Variants in PHKG2 observed in about 807,000 individuals in gnomAD.
PHKG2 encodes the protein phosphorylase kinase catalytic subunit gamma 2.
In PHKG2, 28 loss-of-function variants were observed where a neutral mutation model predicts 44.5. That is an observed-to-expected ratio of 0.63 (90% CI 0.47 to 0.86). The LOEUF is 0.86. Ranked by LOEUF, PHKG2 falls within the 40% of genes least tolerant of loss-of-function variation. The pLI, the probability that PHKG2 is intolerant of heterozygous loss-of-function variation, is 0.00. For synonymous variants in PHKG2, 220 were observed against 211.2 expected (o/e 1.04, Z -0.36); for missense variants, 498 against 547.5 (o/e 0.91, Z 0.90).
At chr16:30,755,879 G>A (rs1291978562) in intron 6 of PHKG2, among the ~76,000 whole-genome samples, 1 of 152,150 alleles carries the variant, frequency 6.6e-6, no homozygotes, top group African/African-American at 2.4e-5. Context: ...CAAGTTGTGA[G>A]GAGTGGGTAG....
chr16:30,756,672 A>C lies in PHKG2; in HGVS notation c.884A>C (p.Glu295Ala). The C allele has an allele frequency of 6.2e-7, 1 of 1,613,972 alleles. No individual in the cohort carries two copies. The highest frequency in any genetic ancestry group is 8.5e-7 in the Non-Finnish European group (1 of 1,179,996). ...ALQHPFFERCEGSQPWNLTPR... is the reference protein window; with the variant it reads ...ALQHPFFERCAGSQPWNLTPR... ...CAGCACCCCTTCTTTGAGCGTTGTGAAGGCAGCCAACCCTGGAACCTCACC... is the reference window on the plus strand; with the variant it reads ...CAGCACCCCTTCTTTGAGCGTTGTGCAGGCAGCCAACCCTGGAACCTCACC... The change falls in exon 9 of 10, where the codon GAA becomes GCA. Residue 295 changes from glutamate to alanine, a missense_variant. Transcript: ENST00000563588.
At chr16:30,751,397 A>C in intron 3 of PHKG2, 116 bp downstream of exon 3, 2 of 1,323,618 alleles carry the variant, frequency 1.5e-6, no homozygotes, top group Non-Finnish European at 2.2e-6. Flanking sequence ...CATTCCACTA[A>C]AGAGTGGCCA....
Position 30,758,809 on chromosome 16 carries a change from A to T in PHKG2, c.*1712A>T. ...AGCTCAGGCAATCCGCCTGCCTCAG[A>T]TTGTGCTGGGATTACAGGTGTGAGC... On this transcript the variant is annotated 3_prime_UTR_variant, in exon 10 of 10. Coordinates refer to ENST00000563588, the MANE Select transcript of PHKG2 (RefSeq NM_000294.3). 1.2e-6 allele frequency: 1 copy of T among 845,000 alleles called. No homozygotes were observed. Among genetic ancestry groups the T allele is most frequent in the Non-Finnish European group, 1.8e-6 (1 of 565,644 alleles). 52.3% of individuals were successfully genotyped at this position (845,000 alleles called of 1,614,324 possible).
intron 1 of PHKG2, 107 bp from the exon 2 acceptor site, chr16:30,748,695 AG>A: frequency 1.8e-5 from 1 of 54,106 alleles, no homozygotes; most frequent in East Asian, 7.8e-4. Flanking sequence ...CCCACCCCCC[AG>A]GACCCTGGCG....
Position 30,759,554 on chromosome 16 carries a change from G to C in PHKG2, c.*2457G>C. The C allele has an allele frequency of 6.2e-7, 1 of 1,614,070 alleles. No individual in the cohort carries two copies. The highest frequency in any genetic ancestry group is 1.1e-5 in the South Asian group (1 of 91,064). ...CAACAGGAGCAAGGAGAGCCCACTG[G>C]GGTCTTCACAAGAAGATAAGGGTGA... On this transcript the variant is annotated 3_prime_UTR_variant, in exon 10 of 10. Coordinates refer to ENST00000563588, the MANE Select transcript of PHKG2 (RefSeq NM_000294.3).
chr16:30,757,499 T>G lies in PHKG2; in HGVS notation c.*402T>G, dbSNP rs958132881. 7 of 1,614,094 alleles carry G rather than the reference T, an allele frequency of 4.3e-6. No individual in the cohort carries two copies. The highest frequency in any genetic ancestry group is 5.9e-6 in the Non-Finnish European group (7 of 1,179,954). On this transcript the variant is annotated 3_prime_UTR_variant, in exon 10 of 10. Transcript: ENST00000563588. ...GGTCACTTGGTCTTGCTCTTGCCTT[T>G]ACCCGGAGGTAGCTGGAAGGGCCGC...
chr16:30,753,232 G>T lies in PHKG2; in HGVS notation c.327G>T (p.Leu109=). Residue 109 remains leucine (L), a splice_region_variant and synonymous_variant, in exon 5 of 10, where the codon CTG becomes CTT. Transcript: ENST00000563588. ...CCTCCTATGCCCCTCCTTCCCTTAG[G>T]ATGCGGAAGGGAGAGCTGTTTGACT... The part of the protein sequence containing the change: ...SSSFMFLVFD[L]MRKGELFDYL... 6.2e-7 allele frequency: 1 copy of T among 1,613,210 alleles called. No homozygotes were observed. Among genetic ancestry groups the T allele is most frequent in the Non-Finnish European group, 8.5e-7 (1 of 1,179,194 alleles).
chr16:30,757,164 CCTCTGGG>C lies in PHKG2; in HGVS notation c.*74_*80del, dbSNP rs2053446005. The C allele has an allele frequency of 1.4e-6, 2 of 1,470,710 alleles. No individual in the cohort carries two copies. Among genetic ancestry groups the C allele is most frequent in the Non-Finnish European group, 1.8e-6 (2 of 1,115,500 alleles). 91.1% of individuals were successfully genotyped at this position (1,470,710 alleles called of 1,614,324 possible). On this transcript the variant is annotated 3_prime_UTR_variant, in exon 10 of 10. Coordinates refer to ENST00000563588, the MANE Select transcript of PHKG2 (RefSeq NM_000294.3). The stretch of plus-strand genomic sequence containing the variant: ...AAGAAGGGTTTTGATCATTCCAGCT[CCTCTGGG>C]CTCTGGCCTCTGGCCTCAGGCCCAC...
At position 30,760,396 on chromosome 16, in the gene PHKG2, G is replaced by A. The variant is rs1023949338; in HGVS notation, c.*3299G>A. The A allele has an allele frequency of 1.2e-6, 2 of 1,614,214 alleles. No homozygotes were observed. Among genetic ancestry groups the A allele is most frequent in the Admixed American group, 1.7e-5 (1 of 60,034 alleles). ...GCGCGTGGCAGAAGAGGTCCAGGGT[G>A]ATGGCGTCCCTCAGGCTCTGCTCAG... is the stretch of plus-strand genomic sequence containing the variant. On this transcript the variant is annotated 3_prime_UTR_variant, in exon 10 of 10. Transcript: ENST00000563588.
chr16:30,755,845 A>T (rs1225992468), intron 6 of PHKG2, among the ~76,000 whole-genome samples: 1 of 152,130 alleles, frequency 6.6e-6, no homozygotes, highest in Non-Finnish European at 1.5e-5. Flanking sequence ...CATATGCATT[A>T]TGATATATAT....
chr16:30,754,295 A>G (rs2053388771), intron 6 of PHKG2, among the ~76,000 whole-genome samples: 1 of 151,666 alleles, frequency 6.6e-6, no homozygotes, highest in Non-Finnish European at 1.5e-5. Context: ...CCTCCCAAGT[A>G]GTTGGGATTA....
rs2053611417 is a variant in PHKG2 at position 30,759,742 on chromosome 16, A to G, written c.*2645A>G. 1.9e-6 allele frequency: 3 copies of G among 1,597,030 alleles called. No homozygotes were observed. Among genetic ancestry groups the G allele is most frequent in the East Asian group, 4.5e-5 (2 of 44,808 alleles). ...GGGGGTTGCTGGTAGGGAAAGCAAGATGCAGCAGTGAGGCCCTCTCTGGTA... is the reference window on the plus strand; with the variant it reads ...GGGGGTTGCTGGTAGGGAAAGCAAGGTGCAGCAGTGAGGCCCTCTCTGGTA... On this transcript the variant is annotated 3_prime_UTR_variant, in exon 10 of 10. Coordinates refer to ENST00000563588, the MANE Select transcript of PHKG2 (RefSeq NM_000294.3).
chr16:30,756,274 T>C lies in PHKG2; in HGVS notation c.647+2T>C. The C allele has an allele frequency of 6.2e-7, 1 of 1,614,040 alleles. No individual in the cohort carries two copies. On this transcript the variant is annotated splice_donor_variant, in intron 7 of 9. Coordinates refer to ENST00000563588, the MANE Select transcript of PHKG2 (RefSeq NM_000294.3). LOFTEE classifies it high-confidence loss of function. ...AGGCTATGGCAAGGAGGTCGACCTG[T>C]GAGTTCCTGGTCTCCCCCTCCCTCC... is the stretch of plus-strand genomic sequence containing the variant.
In PHKG2 at chr16:30,760,085, C is replaced by T. The variant is rs1169134750; in HGVS notation, c.*2988C>T. On this transcript the variant is annotated 3_prime_UTR_variant, in exon 10 of 10. Coordinates refer to ENST00000563588, the MANE Select transcript of PHKG2 (RefSeq NM_000294.3). Reference sequence around the variant, plus strand: ...TGCATATATTATTTCTCAGAACAGTCCTGTAAAATGTGTGCTGTATCCTTA... The same window carrying T: ...TGCATATATTATTTCTCAGAACAGTTCTGTAAAATGTGTGCTGTATCCTTA... 4 of 1,536,818 alleles carry T rather than the reference C, an allele frequency of 2.6e-6. No individual in the cohort carries two copies. Among genetic ancestry groups the T allele is most frequent in the Non-Finnish European group, 3.5e-6 (4 of 1,147,102 alleles).
Position 30,757,404 on chromosome 16 carries a change from CAGA to C in PHKG2, c.*310_*312del. The C allele has an allele frequency of 6.4e-7, 1 of 1,555,356 alleles. No homozygotes were observed. The highest frequency in any genetic ancestry group is 8.7e-7 in the Non-Finnish European group (1 of 1,150,398). Reference sequence around the variant, plus strand: ...TCTGTCTGGCTTGGGCAGGAAAGCCCAGAAGGTGCTCAGCAGGGTGCAGGGATG... The same window carrying C: ...TCTGTCTGGCTTGGGCAGGAAAGCCCAGGTGCTCAGCAGGGTGCAGGGATG... On this transcript the variant is annotated 3_prime_UTR_variant, in exon 10 of 10. Transcript: ENST00000563588.
chr16:30,748,745 C>T, intron 1 of PHKG2, 58 bp from the exon 2 acceptor site: 1 of 1,047,546 alleles, frequency 9.5e-7, no homozygotes, highest in Non-Finnish European at 1.4e-6. Context: ...AGCCGCCATG[C>T]GGGTCGTCTC....
Position 30,748,910 on chromosome 16 carries a change from C to T in PHKG2, c.90C>T (p.Ile30=), listed in dbSNP as rs2053292187. The T allele has an allele frequency of 1.9e-6, 3 of 1,552,090 alleles. No homozygotes were observed. The highest frequency in any genetic ancestry group is 2.6e-6 in the Non-Finnish European group (3 of 1,147,118). ...FYQKYDPKDV[I]GRGVSSVVRR... The stretch of plus-strand genomic sequence containing the variant: ...AGAAGTACGACCCTAAGGACGTCAT[C>T]GGCAGGTAAGGCCGCGGCCAGGGAA... The change falls in exon 2 of 10, where the codon ATC becomes ATT. Residue 30 remains isoleucine, a synonymous_variant. Transcript: ENST00000563588.
chr16:30,756,701 C>G lies in PHKG2; in HGVS notation c.913C>G (p.Arg305Gly), dbSNP rs200288919. The G allele has an allele frequency of 2.5e-6, 4 of 1,614,072 alleles. No individual in the cohort carries two copies. The highest frequency in any genetic ancestry group is 2.2e-5 in the East Asian group (1 of 44,876). Reference sequence around the variant, plus strand: ...CAGCCAACCCTGGAACCTCACCCCCCGCCAGCGGTTCCGGGTAAGCCTGAG... The same window carrying G: ...CAGCCAACCCTGGAACCTCACCCCCGGCCAGCGGTTCCGGGTAAGCCTGAG... ...EGSQPWNLTP[R>G]QRFRVAVWTV... The change falls in exon 9 of 10, where the codon CGC becomes GGC. Residue 305 changes from arginine to glycine, a missense_variant. Arg to Gly is a moderately radical substitution (Grantham distance 125, BLOSUM62 -2). Transcript: ENST00000563588.
At position 30,751,534 on chromosome 16, in the gene PHKG2, T is replaced by C; in HGVS notation, c.272-15T>C. ...TTCCATCTCTGTCTCTCTGCCTCTC[T>C]TCCTCTCTCCCTAGTCACCCTCATC... is the stretch of plus-strand genomic sequence containing the variant. On this transcript the variant is annotated splice_polypyrimidine_tract_variant and intron_variant, in intron 3 of 9. Transcript: ENST00000563588. The C allele has an allele frequency of 1.2e-6, 2 of 1,611,258 alleles. No individual in the cohort carries two copies. The highest frequency in any genetic ancestry group is 1.7e-6 in the Non-Finnish European group (2 of 1,177,354).
Sources: allele counts gnomAD v4.1 joint callset (sites outside exome capture counted in the v4.1 genomes callset), GRCh38; gene constraint gnomAD v4.1.1; transcripts MANE v1.5; gene names NCBI Gene and HGNC (gene_info 2026-07-23, HGNC 2026-07-21).